Variants in SPNS3 observed in about 807,000 individuals in gnomAD.
The protein encoded by SPNS3 is SPNS lysolipid transporter 3, sphingosine-1-phosphate (putative).
In SPNS3, 51 loss-of-function variants were observed where a neutral mutation model predicts 54.4. That is an observed-to-expected ratio of 0.94 (90% CI 0.75 to 1.18). The LOEUF (loss-of-function observed/expected upper bound fraction) is 1.18. Ranked by LOEUF, SPNS3 falls within the 50% of genes most tolerant of loss-of-function variation. The pLI is 0.00. For synonymous variants in SPNS3, 309 were observed against 294.7 expected, an observed-to-expected ratio of 1.05 and a Z score of -0.50; for missense variants, 669 against 677.4, an observed-to-expected ratio of 0.99 and a Z score of 0.14.
intron 8 of SPNS3, among the ~76,000 whole-genome samples, chr17:4,457,421 A>G (rs1354355467): frequency 1.3e-5 from 2 of 152,194 alleles, no homozygotes; most frequent in East Asian, 3.9e-4. Context: ...TCAACCTCCA[A>G]CTTGGCCGTG....
chr17:4,444,994 G>A (rs1006619762), intron 2 of SPNS3, 38 bp from the exon 3 acceptor site: 27 of 1,599,916 alleles, frequency 1.7e-5, no homozygotes, highest in African/African-American at 1.2e-4. Context: ...TGCCACGGTC[G>A]TGGGGGGATC....
At chr17:4,460,533 A>G (rs1597324124) in intron 8 of SPNS3, among the ~76,000 whole-genome samples, 1 of 147,086 alleles carries the variant, frequency 6.8e-6, no homozygotes, top group African/African-American at 2.5e-5. Flanking sequence ...CCGGGTTCAC[A>G]CCATTCTCCT....
chr17:4,466,913 A>C (rs937370019), intron 8 of SPNS3, among the ~76,000 whole-genome samples: 4 of 152,180 alleles, frequency 2.6e-5, no homozygotes, highest in African/African-American at 9.6e-5. Flanking sequence ...ACAGCAGGGA[A>C]AGGGGACAAA....
intron 11 of SPNS3, among the ~76,000 whole-genome samples, 174 bp from the exon 12 acceptor site, chr17:4,487,632 A>G (rs1279363856): frequency 6.6e-6 from 1 of 152,210 alleles, no homozygotes; most frequent in Non-Finnish European, 1.5e-5. Context: ...TCCAGGGGAG[A>G]GTGGTGCCTA....
At chr17:4,454,247 G>A (rs189767905) in intron 8 of SPNS3, among the ~76,000 whole-genome samples, 4 of 152,326 alleles carry the variant, frequency 2.6e-5, no homozygotes, top group East Asian at 3.9e-4. Context: ...GTGTGCAGCC[G>A]TGTCCCTGGC....
chr17:4,449,620 T>C (rs984139344), intron 7 of SPNS3, among the ~76,000 whole-genome samples: 5 of 151,952 alleles, frequency 3.3e-5, no homozygotes, highest in African/African-American at 7.2e-5. Context: ...TGGGCTGAAT[T>C]CCCCATATCT....
At chr17:4,460,134 C>T (rs1005433931) in intron 8 of SPNS3, among the ~76,000 whole-genome samples, 4 of 152,014 alleles carry the variant, frequency 2.6e-5, no homozygotes, top group Admixed American at 6.6e-5. Flanking sequence ...AACAACAAGG[C>T]GGCTACTGTG....
chr17:4,468,165 G>A (rs1438826736), intron 8 of SPNS3, among the ~76,000 whole-genome samples: 1 of 152,210 alleles, frequency 6.6e-6, no homozygotes, highest in Non-Finnish European at 1.5e-5. Flanking sequence ...GACAGGCTGG[G>A]CGTGGAGGCG....
At position 4,444,841 on chromosome 17, in the gene SPNS3, ACT is replaced by A. The variant is rs1019381422; in HGVS notation, c.266-188_266-187del. The A allele has an allele frequency of 5.9e-5, 41 of 689,696 alleles. No homozygotes were observed. In the Admixed American group the frequency reaches 1.0e-3, roughly 17 times the overall value. 42.7% of individuals were successfully genotyped at this position (689,696 alleles called of 1,614,324 possible). On this transcript the variant is annotated intron_variant, in intron 2 of 11. Coordinates refer to ENST00000355530, the MANE Select transcript of SPNS3 (RefSeq NM_182538.5). ...TTTGGGGCCAGATTGAGGCCTCCAC[ACT>A]CTGGGCTGCGGCTGCATGTTGGCCA...
At chr17:4,464,750 G>T (rs1203501369) in intron 8 of SPNS3, among the ~76,000 whole-genome samples, 2 of 151,834 alleles carry the variant, frequency 1.3e-5, no homozygotes, top group South Asian at 2.1e-4. Context: ...GCGCAATCTC[G>T]GCTCACTGCA....
chr17:4,438,381 G>A (rs1223952055), intron 1 of SPNS3, among the ~76,000 whole-genome samples: 2 of 152,196 alleles, frequency 1.3e-5, no homozygotes, highest in African/African-American at 4.8e-5. Context: ...TGACAACTGC[G>A]AGTGTACAGC....
At chr17:4,481,602 C>T (rs1019762924) in intron 9 of SPNS3, among the ~76,000 whole-genome samples, 2 of 152,154 alleles carry the variant, frequency 1.3e-5, no homozygotes, top group Non-Finnish European at 2.9e-5. Flanking sequence ...GGTCAGAGGG[C>T]AGAGGGCAGC....
At chr17:4,478,686 G>T in intron 9 of SPNS3, 49 bp downstream of exon 9, 1 of 1,551,702 alleles carries the variant, frequency 6.4e-7, no homozygotes, top group Non-Finnish European at 8.7e-7. Flanking sequence ...AGCTGGAGAG[G>T]ATTGGGCCTC....
In SPNS3 at chr17:4,434,144, C is replaced by G. The variant is rs762289645; in HGVS notation, c.177C>G (p.Tyr59Ter). The change falls in exon 1 of 12, where the codon TAC becomes TAG. Residue 59 changes from tyrosine (Y) to a stop codon, truncating the protein, a stop_gained. Transcript: ENST00000355530. LOFTEE classifies it high-confidence loss of function. Reference sequence around the variant, plus strand: ...TCTGCTACATCAACCTCCTGAATTACATGAACTGGTTCATCATTGCAGGTG... The same window carrying G: ...TCTGCTACATCAACCTCCTGAATTAGATGAACTGGTTCATCATTGCAGGTG... Reference protein sequence around the residue: ...AVLCYINLLNYMNWFIIAGVL... With the variant: ...AVLCYINLLN 1 of 1,611,426 alleles carries G rather than the reference C, an allele frequency of 6.2e-7. No homozygotes were observed. Among genetic ancestry groups the G allele is most frequent in the Non-Finnish European group, 8.5e-7 (1 of 1,178,770 alleles).
At chr17:4,449,120 A>G in intron 6 of SPNS3, 115 bp from the exon 7 acceptor site, 1 of 1,204,654 alleles carries the variant, frequency 8.3e-7, no homozygotes, top group Non-Finnish European at 1.2e-6. Flanking sequence ...TGGAATCTTG[A>G]AGGTAATGAG....
At chr17:4,452,701 G>A (rs906680547) in intron 7 of SPNS3, among the ~76,000 whole-genome samples, 3 of 151,972 alleles carry the variant, frequency 2.0e-5, no homozygotes, top group African/African-American at 7.3e-5. Context: ...AAAGGGTAAG[G>A]GTCAATGGAG....
intron 1 of SPNS3, among the ~76,000 whole-genome samples, chr17:4,435,371 G>A (rs1002852307): frequency 6.7e-5 from 10 of 149,202 alleles, no homozygotes; most frequent in African/African-American, 2.0e-4. Flanking sequence ...GCAGTGAGCC[G>A]AGATCCCACC....
intron 8 of SPNS3, among the ~76,000 whole-genome samples, chr17:4,470,577 A>G (rs1597334652): frequency 1.3e-5 from 2 of 152,146 alleles, no homozygotes; most frequent in Admixed American, 6.5e-5. Flanking sequence ...TTTCATGCCT[A>G]TTAGCAGTCA....
At chr17:4,479,768 T>A (rs1396641205) in intron 9 of SPNS3, among the ~76,000 whole-genome samples, 1 of 152,234 alleles carries the variant, frequency 6.6e-6, no homozygotes, top group Non-Finnish European at 1.5e-5. Context: ...GTCCTGCCAC[T>A]TATGGGCTGT....
Sources: allele counts gnomAD v4.1 joint callset (sites outside exome capture counted in the v4.1 genomes callset), GRCh38; gene constraint gnomAD v4.1.1; transcripts MANE v1.5; gene names NCBI Gene and HGNC (gene_info 2026-07-23, HGNC 2026-07-21).